DCLK1: variants seen among roughly 807,000 people sequenced by gnomAD.
DCLK1 encodes the protein doublecortin like kinase 1.
Under a neutral mutation model 86.2 loss-of-function variants are expected in DCLK1, and 16 were observed. That is an observed-to-expected ratio of 0.19 (90% CI 0.13 to 0.28). The LOEUF is 0.28. Ranked by LOEUF, DCLK1 falls within the 10% of genes least tolerant of loss-of-function variation. The pLI is 1.00. For synonymous variants in DCLK1, 369 were observed against 370.5 expected (o/e 1.00, Z 0.05); for missense variants, 590 against 940.2 (o/e 0.63, Z 4.87).
intron 6 of DCLK1, chr13:35,847,445 C>A: frequency 1.0e-6 from 1 of 985,058 alleles, no homozygotes; most frequent in Non-Finnish European, 1.2e-6. Flanking sequence ...CCCACATACA[C>A]ACCAAGCCTG....
intron 4 of DCLK1, among the ~76,000 whole-genome samples, chr13:35,894,395 T>C (rs927313877): frequency 3.3e-5 from 5 of 152,198 alleles, no homozygotes; most frequent in Non-Finnish European, 5.9e-5. Context: ...AGCCCAAGCG[T>C]GTATTCCCAG....
intron 3 of DCLK1, among the ~76,000 whole-genome samples, chr13:35,957,261 C>T (rs772559196): frequency 2.6e-5 from 4 of 152,144 alleles, no homozygotes; most frequent in Non-Finnish European, 4.4e-5. Context: ...GAACCAAACC[C>T]AACCCATAAA....
At chr13:35,876,539 T>C (rs556974644) in intron 4 of DCLK1, among the ~76,000 whole-genome samples, 1 of 152,366 alleles carries the variant, frequency 6.6e-6, no homozygotes, top group South Asian at 2.1e-4. Flanking sequence ...TATTTTATAA[T>C]GGTGAAAATG....
intron 4 of DCLK1, among the ~76,000 whole-genome samples, chr13:35,900,880 G>A (rs1365577362): frequency 6.6e-6 from 1 of 152,100 alleles, no homozygotes; most frequent in Non-Finnish European, 1.5e-5. Context: ...ATAACTGAAG[G>A]GCACTTGCAG....
chr13:35,851,880 G>A (rs1182411886), intron 6 of DCLK1, among the ~76,000 whole-genome samples: 1 of 152,112 alleles, frequency 6.6e-6, no homozygotes. Context: ...GTAAAAACTA[G>A]ATTTTCCTAT....
intron 7 of DCLK1, among the ~76,000 whole-genome samples, chr13:35,838,065 C>CAAAAA (rs748395648): frequency 3.3e-4 from 33 of 100,378 alleles, no homozygotes; most frequent in African/African-American, 1.1e-3. Context: ...GACTCCATCT[C>CAAAAA]AAAAAAAAAA....
chr13:35,785,139 G>A (rs1252945366), intron 16 of DCLK1, among the ~76,000 whole-genome samples: 1 of 152,104 alleles, frequency 6.6e-6, no homozygotes, highest in Non-Finnish European at 1.5e-5. Flanking sequence ...CTTATGTCTT[G>A]TTTTGATATT....
intron 3 of DCLK1, among the ~76,000 whole-genome samples, chr13:36,086,997 T>C (rs532782138): frequency 6.6e-6 from 1 of 152,334 alleles, no homozygotes; most frequent in Admixed American, 6.5e-5. Flanking sequence ...GTAATGGGAT[T>C]GCTGAGTCAA....
At chr13:36,025,670 G>A (rs1262144043) in intron 3 of DCLK1, among the ~76,000 whole-genome samples, 1 of 152,146 alleles carries the variant, frequency 6.6e-6, no homozygotes, top group Non-Finnish European at 1.5e-5. Context: ...CCATTTATAG[G>A]CAATGTCCCT....
chr13:35,997,357 A>C (rs573329454), intron 3 of DCLK1, among the ~76,000 whole-genome samples: 3 of 152,318 alleles, frequency 2.0e-5, no homozygotes, highest in South Asian at 2.1e-4. Context: ...CTCATCTCTC[A>C]TTTTAAGGGG....
Position 35,772,191 on chromosome 13 carries a change from C to T in DCLK1, c.*2344G>A, listed in dbSNP as rs563375916. ...CATGCTGAATGGGCCCTGCATTCTT[C>T]TGAGCTGCCCTTCTGCAGTGTGCTG... On this transcript the variant is annotated 3_prime_UTR_variant, in exon 17 of 17. Coordinates refer to ENST00000360631, the MANE Select transcript of DCLK1 (RefSeq NM_001330071.2). 10 of 152,412 alleles carry T rather than the reference C, an allele frequency of 6.6e-5. No homozygotes were observed. In the East Asian group the frequency reaches 1.5e-3, roughly 24 times the overall value. 9.4% of individuals were successfully genotyped at this position (152,412 alleles called of 1,614,324 possible). A position where few individuals can be genotyped will look rare whatever the true frequency, so the allele number is the denominator to read the frequency against.
At chr13:35,837,634 A>C (rs1420862788) in intron 7 of DCLK1, among the ~76,000 whole-genome samples, 2 of 152,160 alleles carry the variant, frequency 1.3e-5, no homozygotes, top group East Asian at 3.9e-4. Context: ...GTGACCCTGC[A>C]GGTGGGAAAT....
At position 35,850,766 on chromosome 13, in the gene DCLK1, C is replaced by T. The variant is rs200024643; in HGVS notation, c.1035+3733G>A. The T allele has an allele frequency of 2.3e-4, 363 of 1,597,058 alleles. 2 individuals are homozygous for T. In the African/African-American group the frequency reaches 3.5e-3, roughly 15 times the overall value. On this transcript the variant is annotated intron_variant, in intron 6 of 16. Coordinates refer to ENST00000360631, the MANE Select transcript of DCLK1 (RefSeq NM_001330071.2). The stretch of plus-strand genomic sequence containing the variant: ...ATCCAAGTCATCCGAAGAGAGGGGG[C>T]GGTACAGGTCCTGCAAGATGAAGGG...
At chr13:35,810,716 T>C in intron 12 of DCLK1, 119 bp downstream of exon 12, 2 of 1,246,464 alleles carry the variant, frequency 1.6e-6, no homozygotes, top group South Asian at 3.6e-5. Context: ...TTAAAAAGAG[T>C]GGAAGAAACC....
chr13:35,845,678 T>C (rs1215436162), intron 6 of DCLK1, among the ~76,000 whole-genome samples: 1 of 152,234 alleles, frequency 6.6e-6, no homozygotes, highest in Non-Finnish European at 1.5e-5. Flanking sequence ...GAAACAGAAT[T>C]TTTCATCAAA....
intron 4 of DCLK1, among the ~76,000 whole-genome samples, chr13:35,893,646 TCCTA>T (rs1255495875): frequency 6.6e-6 from 1 of 152,196 alleles, no homozygotes; most frequent in Non-Finnish European, 1.5e-5. Context: ...CTGCACAGTG[TCCTA>T]CCTTTTAATC....
At chr13:35,813,823 G>A (rs1461632217) in intron 11 of DCLK1, among the ~76,000 whole-genome samples, 1 of 148,044 alleles carries the variant, frequency 6.8e-6, no homozygotes, top group Non-Finnish European at 1.5e-5. Flanking sequence ...GAAAATAAGA[G>A]CTTAAAGACA....
At chr13:36,018,290 C>A (rs1881621178) in intron 3 of DCLK1, among the ~76,000 whole-genome samples, 1 of 152,104 alleles carries the variant, frequency 6.6e-6, no homozygotes, top group Admixed American at 6.5e-5. Context: ...TCTATTGATT[C>A]ATTTTCTTTT....
At chr13:35,858,270 A>G (rs2153111556) in intron 5 of DCLK1, among the ~76,000 whole-genome samples, 1 of 152,288 alleles carries the variant, frequency 6.6e-6, no homozygotes, top group East Asian at 1.9e-4. Flanking sequence ...GGTAAAAACT[A>G]TAGAACCTGG....
Sources: allele counts gnomAD v4.1 joint callset (sites outside exome capture counted in the v4.1 genomes callset), GRCh38; gene constraint gnomAD v4.1.1; transcripts MANE v1.5; gene names NCBI Gene and HGNC (gene_info 2026-07-23, HGNC 2026-07-21).